The following KCNQ1OT1 variants were observed in gnomAD, a reference collection of about 807,000 sequenced individuals.
KCNQ1OT1 encodes KCNQ1 opposite strand/antisense transcript 1, also known as KCNQ1 antisense RNA 2 (non-protein coding).
rs1849202032 is a variant in KCNQ1OT1 at position 2,623,109 on chromosome 11, G to C, written n.76886C>G. ...TCATGAGATCTGGTTGTTTAAACGT[G>C]TGTGGCACTTCCCATCTCACTTTCT... On this transcript the variant is annotated non_coding_transcript_exon_variant, in exon 1 of 1. Transcript: ENST00000597346. This position sits in a 1 kb window ranked among gnomAD's most constrained non-coding sequence, Gnocchi z 5.2. 1 of 398,474 alleles carries C rather than the reference G, an allele frequency of 2.5e-6. No individual in the cohort carries two copies. The highest frequency in any genetic ancestry group is 2.1e-5 in the African/African-American group (1 of 48,606). The allele number at this position is 398,474 out of a possible 1,614,324, so 24.7% of individuals were successfully genotyped here. A position where few individuals can be genotyped will look rare whatever the true frequency, so the allele number is the denominator to read the frequency against.
chr11:2,659,888 T>G lies in KCNQ1OT1; in HGVS notation n.40107A>C, dbSNP rs12574151. 38,962 of 398,452 alleles carry G rather than the reference T, an allele frequency of 0.098. 2,022 individuals are homozygous for G. Among genetic ancestry groups the G allele is most frequent in the Non-Finnish European group, 0.12 (26,356 of 225,996 alleles). 24.7% of individuals were successfully genotyped at this position (398,452 alleles called of 1,614,324 possible). On this transcript the variant is annotated non_coding_transcript_exon_variant, in exon 1 of 1. Coordinates refer to ENST00000597346, the Ensembl canonical transcript of KCNQ1OT1. The surrounding 1 kb of genome is among the most constrained non-coding windows in gnomAD (Gnocchi z 4.3). Reference sequence around the variant, plus strand: ...TTTATAATCCATTTTTAAAATTGGATTGTTCACTTTATTGTCAAGTTGTAA... The same window carrying G: ...TTTATAATCCATTTTTAAAATTGGAGTGTTCACTTTATTGTCAAGTTGTAA...
rs868355733 is a variant in KCNQ1OT1, at chr11:2,613,592, C to T, written n.86403G>A. ...TATTTTTTCTTTAATTAGCACTTTT[C>T]AATTTTATATTTCTTTGTCCAGTTT... On this transcript the variant is annotated non_coding_transcript_exon_variant, in exon 1 of 1. Transcript: ENST00000597346. This position sits in a 1 kb window ranked among gnomAD's most constrained non-coding sequence, Gnocchi z 4.8. 2.5e-6 allele frequency: 1 copy of T among 398,478 alleles called. No homozygotes were observed. The highest frequency in any genetic ancestry group is 6.3e-4 in the Middle Eastern group (1 of 1,588). 24.7% of individuals were successfully genotyped at this position (398,478 alleles called of 1,614,324 possible).
chr11:2,626,452 C>A lies in KCNQ1OT1; in HGVS notation n.73543G>T. Reference sequence around the variant, plus strand: ...GTATACAAGGGTTTATTTTTGGGCTCTCTATTCAATTCCATTGGTCTCTAC... The same window carrying A: ...GTATACAAGGGTTTATTTTTGGGCTATCTATTCAATTCCATTGGTCTCTAC... On this transcript the variant is annotated non_coding_transcript_exon_variant, in exon 1 of 1. Coordinates refer to ENST00000597346, the Ensembl canonical transcript of KCNQ1OT1. The surrounding 1 kb of genome is among the most constrained non-coding windows in gnomAD (Gnocchi z 4.0). 1 of 398,628 alleles carries A rather than the reference C, an allele frequency of 2.5e-6. No individual in the cohort carries two copies. The highest frequency in any genetic ancestry group is 4.4e-6 in the Non-Finnish European group (1 of 226,080). The allele number at this position is 398,628 out of a possible 1,614,324, so 24.7% of individuals were successfully genotyped here. A position where few individuals can be genotyped will look rare whatever the true frequency, so the allele number is the denominator to read the frequency against.
At chr11:2,699,432 C>G (rs1850735374) in exon 1 of KCNQ1OT1, 1 of 402,204 alleles carries the variant, frequency 2.5e-6, no homozygotes, top group Admixed American at 4.4e-5. Flanking sequence ...TGAGGAGAGT[C>G]TGGGAGAACC....
exon 1 of KCNQ1OT1, chr11:2,628,784 C>G (rs1265908218): frequency 2.5e-6 from 1 of 398,262 alleles, no homozygotes; most frequent in African/African-American, 2.1e-5. Context: ...ATCTTATTCA[C>G]TTTTCTCTAC....
chr11:2,624,583 T>G lies in KCNQ1OT1; in HGVS notation n.75412A>C. 1 of 398,552 alleles carries G rather than the reference T, an allele frequency of 2.5e-6. No homozygotes were observed. The highest frequency in any genetic ancestry group is 4.4e-6 in the Non-Finnish European group (1 of 226,018). The allele number at this position is 398,552 out of a possible 1,614,324, so 24.7% of individuals were successfully genotyped here. A position where few individuals can be genotyped will look rare whatever the true frequency, so the allele number is the denominator to read the frequency against. ...AATCTTTTATTGTGGCAAAATACAC[T>G]TAACATAAAAATTACCATCCTAACC... On this transcript the variant is annotated non_coding_transcript_exon_variant, in exon 1 of 1. Coordinates refer to ENST00000597346, the Ensembl canonical transcript of KCNQ1OT1. This position sits in a 1 kb window ranked among gnomAD's most constrained non-coding sequence, Gnocchi z 4.9.
rs1285985345 is a variant in KCNQ1OT1, at chr11:2,689,290, T to C, written n.10705A>G. On this transcript the variant is annotated non_coding_transcript_exon_variant, in exon 1 of 1. Transcript: ENST00000597346. ...CAGCCTTTGCACAGATATCTCCCACTCCAACCCTAAGACTCAATGCCACCT... is the reference window on the plus strand; with the variant it reads ...CAGCCTTTGCACAGATATCTCCCACCCCAACCCTAAGACTCAATGCCACCT... 7 of 398,638 alleles carry C rather than the reference T, an allele frequency of 1.8e-5. No homozygotes were observed. In the East Asian group the frequency reaches 2.5e-4, roughly 14 times the overall value. The allele number at this position is 398,638 out of a possible 1,614,324, so 24.7% of individuals were successfully genotyped here. A position where few individuals can be genotyped will look rare whatever the true frequency, so the allele number is the denominator to read the frequency against.
At chr11:2,699,859 G>C (rs1001790327) in exon 1 of KCNQ1OT1, 1 of 397,324 alleles carries the variant, frequency 2.5e-6, no homozygotes, top group Middle Eastern at 6.3e-4. Flanking sequence ...GGCGCACCGG[G>C]AGAATCGTGC....
Position 2,690,412 on chromosome 11 carries a change from G to A in KCNQ1OT1, n.9583C>T, listed in dbSNP as rs1016055329. 8 of 398,572 alleles carry A rather than the reference G, an allele frequency of 2.0e-5. No homozygotes were observed. The highest frequency in any genetic ancestry group is 6.2e-4 in the Middle Eastern group (1 of 1,610). 24.7% of individuals were successfully genotyped at this position (398,572 alleles called of 1,614,324 possible). A position where few individuals can be genotyped will look rare whatever the true frequency, so the allele number is the denominator to read the frequency against. On this transcript the variant is annotated non_coding_transcript_exon_variant, in exon 1 of 1. Coordinates refer to ENST00000597346, the Ensembl canonical transcript of KCNQ1OT1. This position sits in a 1 kb window ranked among gnomAD's most constrained non-coding sequence, Gnocchi z 5.1. Reference sequence around the variant, plus strand: ...CCAAAAGAGCTATCTCTCTCCCTGCGAAAGGCTGGGGTCCTGGGAGCTAGA... The same window carrying A: ...CCAAAAGAGCTATCTCTCTCCCTGCAAAAGGCTGGGGTCCTGGGAGCTAGA...
At chr11:2,633,400 T>A (rs981569506) in exon 1 of KCNQ1OT1, 7 of 398,444 alleles carry the variant, frequency 1.8e-5, no homozygotes, top group Non-Finnish European at 1.8e-5. Flanking sequence ...TCTATTTTTG[T>A]TTTTGTTGCC....
exon 1 of KCNQ1OT1, chr11:2,637,021 C>T (rs954784797): frequency 3.3e-5 from 5 of 152,036 alleles, no homozygotes; most frequent in Non-Finnish European, 5.9e-5. Context: ...TCTGTGGGAT[C>T]GGTGGTGATA....
chr11:2,677,152 T>C lies in KCNQ1OT1; in HGVS notation n.22843A>G, dbSNP rs992132730. ...ATCCCTCCCTATTGAACACTGTTGT[T>C]TCTCCCTATCCATCTTATCCCTACT... On this transcript the variant is annotated non_coding_transcript_exon_variant, in exon 1 of 1. Transcript: ENST00000597346. This position sits in a 1 kb window ranked among gnomAD's most constrained non-coding sequence, Gnocchi z 4.5. 3.3e-5 allele frequency: 13 copies of C among 398,514 alleles called. No homozygotes were observed. The highest frequency in any genetic ancestry group is 2.7e-4 in the African/African-American group (13 of 48,622). 24.7% of individuals were successfully genotyped at this position (398,514 alleles called of 1,614,324 possible). A position where few individuals can be genotyped will look rare whatever the true frequency, so the allele number is the denominator to read the frequency against.
rs980220673 is a variant in KCNQ1OT1 at position 2,699,856 on chromosome 11, C to T, written n.139G>A. The T allele has an allele frequency of 2.1e-5, 8 of 388,518 alleles. No individual in the cohort carries two copies. In the East Asian group the frequency reaches 2.6e-4, roughly 12 times the overall value. The allele number at this position is 388,518 out of a possible 1,614,324, so 24.1% of individuals were successfully genotyped here. A position where few individuals can be genotyped will look rare whatever the true frequency, so the allele number is the denominator to read the frequency against. On this transcript the variant is annotated non_coding_transcript_exon_variant, in exon 1 of 1. Coordinates refer to ENST00000597346, the Ensembl canonical transcript of KCNQ1OT1. Reference sequence around the variant, plus strand: ...AGGAGGACCGCGCTGAGGGGCGCACCGGGAGAATCGTGCTGAGGAGCCCCG... The same window carrying T: ...AGGAGGACCGCGCTGAGGGGCGCACTGGGAGAATCGTGCTGAGGAGCCCCG...
In KCNQ1OT1 at chr11:2,659,948, C is replaced by T. The variant is rs1450569593; in HGVS notation, n.40047G>A. Reference sequence around the variant, plus strand: ...ATATATTCTGAGTGCAAGTCCTTGACCTGATAGGTGATATGCAAATATTCT... The same window carrying T: ...ATATATTCTGAGTGCAAGTCCTTGATCTGATAGGTGATATGCAAATATTCT... On this transcript the variant is annotated non_coding_transcript_exon_variant, in exon 1 of 1. Transcript: ENST00000597346. This position sits in a 1 kb window ranked among gnomAD's most constrained non-coding sequence, Gnocchi z 4.3. 2.5e-6 allele frequency: 1 copy of T among 398,276 alleles called. No homozygotes were observed. The highest frequency in any genetic ancestry group is 2.1e-5 in the African/African-American group (1 of 48,596). The allele number at this position is 398,276 out of a possible 1,614,324, so 24.7% of individuals were successfully genotyped here.
chr11:2,684,336 G>A (rs1353490595), exon 1 of KCNQ1OT1: 1 of 398,544 alleles, frequency 2.5e-6, no homozygotes, highest in Non-Finnish European at 4.4e-6. Context: ...GGTGGCCCAG[G>A]TATGTGTTTG....
rs922114689 is a variant in KCNQ1OT1 at position 2,651,532 on chromosome 11, G to A, written n.48463C>T. The A allele has an allele frequency of 1.0e-5, 4 of 398,524 alleles. No homozygotes were observed. The highest frequency in any genetic ancestry group is 8.2e-5 in the African/African-American group (4 of 48,630). The allele number at this position is 398,524 out of a possible 1,614,324, so 24.7% of individuals were successfully genotyped here. ...GAACGTGAATGCTAAGGGCATATGA[G>A]TGTGTCCCTGAGAACATGGATATTG... is the stretch of plus-strand genomic sequence containing the variant. On this transcript the variant is annotated non_coding_transcript_exon_variant, in exon 1 of 1. Transcript: ENST00000597346. The surrounding 1 kb of genome is among the most constrained non-coding windows in gnomAD (Gnocchi z 6.1).
rs1849000970 is a variant in KCNQ1OT1 at position 2,612,730 on chromosome 11, C to T, written n.87265G>A. The T allele has an allele frequency of 2.5e-6, 1 of 398,286 alleles. No homozygotes were observed. Among genetic ancestry groups the T allele is most frequent in the African/African-American group, 2.1e-5 (1 of 48,554 alleles). 24.7% of individuals were successfully genotyped at this position (398,286 alleles called of 1,614,324 possible). ...GAAATCGCGCCCTAACATTTGGGGC[C>T]CTTCAGAGATAATTCCTATTTATTG... On this transcript the variant is annotated non_coding_transcript_exon_variant, in exon 1 of 1. Transcript: ENST00000597346. This position sits in a 1 kb window ranked among gnomAD's most constrained non-coding sequence, Gnocchi z 5.5.
Position 2,647,003 on chromosome 11 carries a change from T to C in KCNQ1OT1, n.52992A>G, listed in dbSNP as rs1275949860. ...TCTTTTACTTGCCTAATTGTTCTGG[T>C]GAGGACTTTTCTTACTCTGCTGAAT... On this transcript the variant is annotated non_coding_transcript_exon_variant, in exon 1 of 1. Transcript: ENST00000597346. The surrounding 1 kb of genome is among the most constrained non-coding windows in gnomAD (Gnocchi z 4.0). 1.0e-5 allele frequency: 4 copies of C among 398,494 alleles called. No individual in the cohort carries two copies. Among genetic ancestry groups the C allele is most frequent in the Non-Finnish European group, 1.8e-5 (4 of 226,068 alleles). The allele number at this position is 398,494 out of a possible 1,614,324, so 24.7% of individuals were successfully genotyped here.
exon 1 of KCNQ1OT1, chr11:2,636,901 G>C (rs969191577): frequency 1.8e-4 from 27 of 152,014 alleles, no homozygotes; most frequent in Admixed American, 1.1e-3. Context: ...ACTTCTTCCT[G>C]GTTTAGTCTT....
Sources: gnomAD v4.1 joint callset for allele counts on GRCh38, gnomAD v4.1.1 for gene constraint, Gnocchi (gnomAD v3.1) non-coding constraint, MANE v1.5 for transcripts, NCBI Gene and HGNC (gene_info 2026-07-23, HGNC 2026-07-21) for gene names.